ITPRID1: variants seen among roughly 807,000 people sequenced by gnomAD.
ITPRID1 encodes protein ITPRID1.
Under a neutral mutation model 95.4 loss-of-function variants are expected in ITPRID1, and 96 were observed. That is an observed-to-expected ratio of 1.01 (90% CI 0.85 to 1.19). The LOEUF is 1.19. Among genes scored for constraint, ITPRID1 ranks in the 50% most tolerant of loss-of-function variants. The pLI, the probability that ITPRID1 is intolerant of heterozygous loss-of-function variation, is 0.00. For synonymous variants in ITPRID1, 510 were observed against 453.6 expected (o/e 1.12, Z -1.58); for missense variants, 1,339 against 1,252.9 (o/e 1.07, Z -1.04).
chr7:31,519,194 A>C (rs1222128772), intron 1 of ITPRID1, among the ~76,000 whole-genome samples: 1 of 152,180 alleles, frequency 6.6e-6, no homozygotes, highest in Non-Finnish European at 1.5e-5. Context: ...TGTTCTCAAG[A>C]AGATCATTAT....
At chr7:31,585,423 GC>G in intron 10 of ITPRID1, among the ~76,000 whole-genome samples, 1 of 151,988 alleles carries the variant, frequency 6.6e-6, no homozygotes, top group African/African-American at 2.4e-5. Context: ...TCCTCCCTGA[GC>G]CCCCCAAAAG....
intron 7 of ITPRID1, among the ~76,000 whole-genome samples, chr7:31,572,810 C>T (rs1279810889): frequency 1.3e-5 from 2 of 152,080 alleles, no homozygotes; most frequent in Non-Finnish European, 2.9e-5. Context: ...CCAATCAATA[C>T]TTATATTCTT....
intron 10 of ITPRID1, among the ~76,000 whole-genome samples, chr7:31,586,108 C>A (rs369559232): frequency 2.9e-5 from 4 of 136,420 alleles, no homozygotes; most frequent in African/African-American, 1.1e-4. Context: ...TTTGTTCTTG[C>A]GATAGTTTAC....
intron 10 of ITPRID1, among the ~76,000 whole-genome samples, chr7:31,624,259 TG>T (rs1248748605): frequency 6.9e-6 from 1 of 144,806 alleles, no homozygotes; most frequent in African/African-American, 2.5e-5. Flanking sequence ...TTCACAGAAT[TG>T]GAAAAAACTA....
intron 10 of ITPRID1, among the ~76,000 whole-genome samples, chr7:31,628,864 T>G (rs1235493137): frequency 6.6e-6 from 1 of 152,174 alleles, no homozygotes; most frequent in East Asian, 1.9e-4. Context: ...TCTGAACATT[T>G]GATGTAATCC....
chr7:31,594,142 C>A (rs781093465), intron 10 of ITPRID1, among the ~76,000 whole-genome samples: 2 of 152,078 alleles, frequency 1.3e-5, no homozygotes, highest in African/African-American at 2.4e-5. Flanking sequence ...GTTACAGTTG[C>A]CTACAGTATT....
chr7:31,611,866 C>A lies in ITPRID1; in HGVS notation c.1228+28675C>A, dbSNP rs59257684. Among the ~76,000 whole-genome samples the A allele has an allele frequency of 3.6e-3, 554 of 151,924 alleles. 4 individuals are homozygous for A. Among genetic ancestry groups the A allele is most frequent in the African/African-American group, 0.013 (531 of 41,478 alleles). ...TTTTTCCTCTCCGGAGTTTGTTGAG[C>A]TTTTTGGTTCTGTACATTGTTTCTC... On this transcript the variant is annotated intron_variant, in intron 10 of 14. Transcript: ENST00000615280.
intron 12 of ITPRID1, among the ~76,000 whole-genome samples, chr7:31,644,803 T>C (rs970135523): frequency 1.3e-5 from 2 of 152,110 alleles, no homozygotes; most frequent in Admixed American, 6.5e-5. Flanking sequence ...GTATAGAGAG[T>C]TGAAAAGGTG....
intron 5 of ITPRID1, among the ~76,000 whole-genome samples, chr7:31,561,126 A>C (rs1784608965): frequency 6.6e-6 from 1 of 152,208 alleles, no homozygotes; most frequent in South Asian, 2.1e-4. Context: ...GCTATTTCAG[A>C]GGAAAGATGG....
intron 1 of ITPRID1, among the ~76,000 whole-genome samples, chr7:31,541,035 A>G (rs914544110): frequency 2.0e-5 from 3 of 152,216 alleles, no homozygotes; most frequent in African/African-American, 4.8e-5. Context: ...GCAAATAACT[A>G]TTGTCATAAC....
chr7:31,552,930 C>T (rs987124548), intron 2 of ITPRID1, 72 bp from the exon 3 acceptor site: 5 of 1,444,012 alleles, frequency 3.5e-6, no homozygotes, highest in Non-Finnish European at 9.3e-7. Context: ...GGCCTTCTTT[C>T]TCCCTTTCAC....
At chr7:31,588,382 A>G (rs1384816594) in intron 10 of ITPRID1, among the ~76,000 whole-genome samples, 6 of 151,962 alleles carry the variant, frequency 3.9e-5, no homozygotes, top group Admixed American at 6.6e-5. Context: ...TGTAATCCCA[A>G]CACTTTGGGA....
At chr7:31,658,290 G>C, downstream of ITPRID1, 5 of 1,504,620 alleles carry the variant, frequency 3.3e-6, no homozygotes, top group Non-Finnish European at 4.4e-6. Flanking sequence ...TGTCTGCAGA[G>C]CTGGATCCCT....
In ITPRID1 at chr7:31,655,636, C is replaced by A; in HGVS notation, c.*2807C>A. On this transcript the variant is annotated 3_prime_UTR_variant, in exon 15 of 15. Transcript: ENST00000615280. ...GTTATTATGCGCCTCTCGTCGCCTC[C>A]CACTGCATCATCCCTTTTTGCCACA... 1.7e-6 allele frequency: 1 copy of A among 583,842 alleles called. No individual in the cohort carries two copies. Among genetic ancestry groups the A allele is most frequent in the Non-Finnish European group, 2.2e-6 (1 of 462,582 alleles). 36.2% of individuals were successfully genotyped at this position (583,842 alleles called of 1,614,324 possible). A position where few individuals can be genotyped will look rare whatever the true frequency, so the allele number is the denominator to read the frequency against.
intron 1 of ITPRID1, among the ~76,000 whole-genome samples, chr7:31,548,015 T>C (rs1323794603): frequency 6.6e-6 from 1 of 152,030 alleles, no homozygotes; most frequent in Non-Finnish European, 1.5e-5. Flanking sequence ...AAATTTAAGA[T>C]GGGTCACATT....
chr7:31,543,645 G>C (rs919178764), intron 1 of ITPRID1, among the ~76,000 whole-genome samples: 1 of 151,968 alleles, frequency 6.6e-6, no homozygotes, highest in Non-Finnish European at 1.5e-5. Flanking sequence ...GAGTTCTGTG[G>C]ATATTTTAGT....
intron 1 of ITPRID1, among the ~76,000 whole-genome samples, chr7:31,534,287 G>C (rs10229918): frequency 8.6e-5 from 13 of 151,956 alleles, no homozygotes; most frequent in African/African-American, 3.1e-4. Flanking sequence ...TGGGTGGAGT[G>C]TTTGGTTAAA....
At chr7:31,610,504 T>C (rs1786818501) in intron 10 of ITPRID1, among the ~76,000 whole-genome samples, 1 of 151,704 alleles carries the variant, frequency 6.6e-6, no homozygotes, top group Admixed American at 6.6e-5. Flanking sequence ...TCTTCTGTTT[T>C]GTTGTTGGTC....
intron 1 of ITPRID1, among the ~76,000 whole-genome samples, chr7:31,528,656 A>G (rs1783497060): frequency 6.6e-6 from 1 of 152,154 alleles, no homozygotes; most frequent in Non-Finnish European, 1.5e-5. Context: ...GAAGGAAAGT[A>G]TTCATATCTT....
Sources: allele counts gnomAD v4.1 joint callset (sites outside exome capture counted in the v4.1 genomes callset), GRCh38; gene constraint gnomAD v4.1.1; transcripts MANE v1.5; gene names NCBI Gene and HGNC (gene_info 2026-07-23, HGNC 2026-07-21).